GALNT17: variants seen among roughly 807,000 people sequenced by gnomAD.
The protein encoded by GALNT17 is UDP-GalNAc:polypeptide N-acetylgalactosaminyltransferase-like 3.
In GALNT17, 29 loss-of-function variants were observed where a neutral mutation model predicts 63.7. The ratio of observed to expected loss-of-function variants is 0.46; its 90% CI spans 0.34 to 0.62. The LOEUF (loss-of-function observed/expected upper bound fraction) is 0.62, where lower values mean the gene tolerates loss of function less well. GALNT17 is among the 20% of genes least tolerant of loss of function. The pLI is 0.01. For missense variants in GALNT17, 603 were observed against 799.6 expected, an observed-to-expected ratio of 0.75 and a Z score of 2.97; for synonymous variants, 305 against 318.3, an observed-to-expected ratio of 0.96 and a Z score of 0.45.
intron 5 of GALNT17, among the ~76,000 whole-genome samples, chr7:71,439,114 C>G (rs1353019271): frequency 6.6e-6 from 1 of 152,096 alleles, no homozygotes; most frequent in Non-Finnish European, 1.5e-5. Flanking sequence ...GCCTCAAACT[C>G]CTGGCCTCAA....
intron 6 of GALNT17, among the ~76,000 whole-genome samples, chr7:71,597,603 A>G (rs1450740873): frequency 2.0e-5 from 3 of 152,196 alleles, no homozygotes; most frequent in Non-Finnish European, 4.4e-5. Flanking sequence ...GGTGTCAGAG[A>G]GGAAAGGCAG....
chr7:71,452,107 AG>A (rs1157596265), intron 5 of GALNT17, among the ~76,000 whole-genome samples: 1 of 152,034 alleles, frequency 6.6e-6, no homozygotes, highest in Non-Finnish European at 1.5e-5. Context: ...AATGATAAAT[AG>A]GGCGCACACC....
intron 9 of GALNT17, among the ~76,000 whole-genome samples, chr7:71,699,276 G>A (rs1044599402): frequency 1.1e-3 from 160 of 150,138 alleles, no homozygotes; most frequent in Non-Finnish European, 2.9e-4. Context: ...TCAAGATATC[G>A]ATACCATTCT....
At chr7:71,553,981 C>A (rs1789122862) in intron 5 of GALNT17, among the ~76,000 whole-genome samples, 1 of 152,218 alleles carries the variant, frequency 6.6e-6, no homozygotes, top group Non-Finnish European at 1.5e-5. Context: ...CTTCTGGGAC[C>A]TTTCTGGCTT....
rs181250446 is a variant in GALNT17, at chr7:71,362,249, C to T, written c.423-25986C>T. Among the ~76,000 whole-genome samples, 11 of 152,280 alleles carry T rather than the reference C, an allele frequency of 7.2e-5. No homozygotes were observed. The East Asian group carries it at 1.4e-3, about 19-fold the overall frequency. On this transcript the variant is annotated intron_variant, in intron 2 of 10. Coordinates refer to ENST00000333538, the MANE Select transcript of GALNT17 (RefSeq NM_022479.3). Reference sequence around the variant, plus strand: ...TTGGGATTATAGGCGTGAGCCACCGCGCCCGGCTTTGTATGAGATTTTGTC... The same window carrying T: ...TTGGGATTATAGGCGTGAGCCACCGTGCCCGGCTTTGTATGAGATTTTGTC...
chr7:71,570,876 G>A (rs948243840), intron 5 of GALNT17, among the ~76,000 whole-genome samples: 1 of 152,164 alleles, frequency 6.6e-6, no homozygotes, highest in Non-Finnish European at 1.5e-5. Context: ...TACTCAGGGG[G>A]TTGAGGCAGG....
At chr7:71,217,785 G>T (rs1183587739) in intron 1 of GALNT17, among the ~76,000 whole-genome samples, 1 of 152,000 alleles carries the variant, frequency 6.6e-6, no homozygotes, top group Non-Finnish European at 1.5e-5. Flanking sequence ...AAAATTAACT[G>T]GGCATGGTAG....
intron 5 of GALNT17, among the ~76,000 whole-genome samples, chr7:71,544,950 G>T (rs922663386): frequency 6.6e-6 from 1 of 150,864 alleles, no homozygotes; most frequent in African/African-American, 2.4e-5. Flanking sequence ...AATTAAACTT[G>T]AAAGCTTTCT....
rs551562143 is a variant in GALNT17 at position 71,185,340 on chromosome 7, G to A, written c.238+52300G>A. Among the ~76,000 whole-genome samples the A allele has an allele frequency of 2.1e-4, 32 of 151,284 alleles. 2 individuals carry two copies. In the South Asian group the frequency reaches 6.7e-3, roughly 32 times the overall value. ...CCCACCTCAGCCTCCCAAGTAGCTG[G>A]GACTACAGGCACATGCCACCATGCC... is the stretch of plus-strand genomic sequence containing the variant. On this transcript the variant is annotated intron_variant, in intron 1 of 10. Transcript: ENST00000333538.
At chr7:71,146,114 C>T (rs1788018208) in intron 1 of GALNT17, among the ~76,000 whole-genome samples, 1 of 152,080 alleles carries the variant, frequency 6.6e-6, no homozygotes, top group Admixed American at 6.6e-5. Flanking sequence ...CTTCGGGAGG[C>T]GGTGGAGACG....
chr7:71,601,655 C>G (rs1440545383), intron 6 of GALNT17, among the ~76,000 whole-genome samples: 1 of 152,058 alleles, frequency 6.6e-6, no homozygotes. Context: ...CATGGTAGTG[C>G]TCGCCTGTGG....
intron 1 of GALNT17, among the ~76,000 whole-genome samples, chr7:71,238,741 G>T: frequency 6.6e-6 from 1 of 152,186 alleles, no homozygotes; most frequent in Admixed American, 6.5e-5. Context: ...CCCCGTGGGG[G>T]TCTCCAGCAT....
chr7:71,416,702 G>T (rs571467878), intron 4 of GALNT17, among the ~76,000 whole-genome samples: 2 of 152,232 alleles, frequency 1.3e-5, no homozygotes, highest in East Asian at 3.9e-4. Flanking sequence ...TATTTTTCTT[G>T]TTCTCTTTTC....
At chr7:71,671,302 A>G (rs928674579) in intron 8 of GALNT17, among the ~76,000 whole-genome samples, 6 of 152,182 alleles carry the variant, frequency 3.9e-5, no homozygotes, top group Non-Finnish European at 7.3e-5. Context: ...GAGACACCCC[A>G]TTAGCTCTGC....
intron 2 of GALNT17, among the ~76,000 whole-genome samples, chr7:71,368,626 C>T (rs1466221072): frequency 1.3e-5 from 2 of 152,108 alleles, no homozygotes; most frequent in Non-Finnish European, 2.9e-5. Context: ...TTATGATTTA[C>T]ATATATATTT....
chr7:71,608,786 T>A (rs939516808), intron 6 of GALNT17, among the ~76,000 whole-genome samples: 1 of 151,848 alleles, frequency 6.6e-6, no homozygotes, highest in Admixed American at 6.6e-5. Flanking sequence ...TATTAATAAT[T>A]ATTATTATTA....
At chr7:71,602,084 C>T (rs1317027272) in intron 6 of GALNT17, among the ~76,000 whole-genome samples, 7 of 152,198 alleles carry the variant, frequency 4.6e-5, no homozygotes, top group Non-Finnish European at 1.0e-4. Context: ...AATATGCTCC[C>T]GACTTCCCCC....
chr7:71,293,502 T>C (rs1210074836), intron 1 of GALNT17, among the ~76,000 whole-genome samples: 1 of 152,240 alleles, frequency 6.6e-6, no homozygotes, highest in African/African-American at 2.4e-5. Context: ...ATGTCATCTT[T>C]TGAAAAATGT....
At chr7:71,380,435 A>G (rs1209023953) in intron 2 of GALNT17, among the ~76,000 whole-genome samples, 2 of 152,054 alleles carry the variant, frequency 1.3e-5, no homozygotes, top group Non-Finnish European at 2.9e-5. Flanking sequence ...TCCTGGGCTC[A>G]AGCCATCCTC....
Sources: allele counts gnomAD v4.1 joint callset (sites outside exome capture counted in the v4.1 genomes callset), GRCh38; gene constraint gnomAD v4.1.1; transcripts MANE v1.5; gene names NCBI Gene and HGNC (gene_info 2026-07-23, HGNC 2026-07-21).